Variants in CFAP46 observed in about 807,000 individuals in gnomAD.
CFAP46 encodes cilia and flagella associated protein 46.
In CFAP46, 245 loss-of-function variants were observed where a neutral mutation model predicts 325.7. The ratio of observed to expected loss-of-function variants is 0.75; its 90% CI spans 0.68 to 0.84. The LOEUF is 0.84. Among genes scored for constraint, CFAP46 ranks in the 40% least tolerant of loss-of-function variants. The pLI is 0.00. For missense variants in CFAP46, 3,346 were observed against 3,543.0 expected (o/e 0.94, Z 1.41); for synonymous variants, 1,523 against 1,495.9 (o/e 1.02, Z -0.42).
At chr10:132,928,523 T>C (rs1214444514) in intron 9 of CFAP46, among the ~76,000 whole-genome samples, 1 of 151,168 alleles carries the variant, frequency 6.6e-6, no homozygotes, top group African/African-American at 2.4e-5. Flanking sequence ...TCTGAAACCA[T>C]TTCCAGATCA....
intron 39 of CFAP46, among the ~76,000 whole-genome samples, chr10:132,853,880 T>C (rs528406312): frequency 6.6e-6 from 1 of 152,306 alleles, no homozygotes; most frequent in Middle Eastern, 3.4e-3. Flanking sequence ...TTTCTGATAG[T>C]GGTAATTTAT....
At chr10:132,843,145 C>A (rs80305005) in intron 44 of CFAP46, among the ~76,000 whole-genome samples, 1,670 of 152,338 alleles carry the variant, frequency 0.011, 17 homozygotes, top group Non-Finnish European at 0.019. Context: ...GAAACCCCCA[C>A]ATTGAGCCCT....
At position 132,909,290 on chromosome 10, in the gene CFAP46, G is replaced by A. The variant is rs1202277339; in HGVS notation, c.2650-46C>T. 5 of 1,374,640 alleles carry A rather than the reference G, an allele frequency of 3.6e-6. No homozygotes were observed. In the South Asian group the frequency reaches 6.2e-5, roughly 17 times the overall value. 85.2% of individuals were successfully genotyped at this position (1,374,640 alleles called of 1,614,324 possible). ...AGTGTATCAGCCCAAGCGTGCGGGG[G>A]GAGTCTGGAATATGCGTGAATTTAA... On this transcript the variant is annotated intron_variant, in intron 20 of 57. Coordinates refer to ENST00000368586, the MANE Select transcript of CFAP46 (RefSeq NM_001200049.3).
rs1848096559 is a variant in CFAP46, at chr10:132,828,502, G to A, written c.7117+4856C>T. Among the ~76,000 whole-genome samples, 2 of 152,044 alleles carry A rather than the reference G, an allele frequency of 1.3e-5. No individual in the cohort carries two copies. Among genetic ancestry groups the A allele is most frequent in the South Asian group, 2.1e-4 (1 of 4,828 alleles). The stretch of plus-strand genomic sequence containing the variant: ...TTGTTTGCTATCTAAATCTTTTCTC[G>A]TGAAGTATCTGTTCAAATCTTTTTT... On this transcript the variant is annotated intron_variant, in intron 50 of 57. Coordinates refer to ENST00000368586, the MANE Select transcript of CFAP46 (RefSeq NM_001200049.3). This position sits in a 1 kb window ranked among gnomAD's most constrained non-coding sequence, Gnocchi z 4.9.
intron 50 of CFAP46, among the ~76,000 whole-genome samples, chr10:132,821,589 G>A (rs1441346734): frequency 5.8e-5 from 8 of 138,854 alleles, no homozygotes; most frequent in Non-Finnish European, 1.2e-4. Context: ...TGTGCTGTGT[G>A]TGTGCTGTGT....
rs751323471 is a variant in CFAP46 at position 132,877,829 on chromosome 10, G to A, written c.4212+52C>T. ...GAACCCTGACAGGCAGGGAAACTGA[G>A]GCACAGGCCATCCTGGGCCCGGCCT... On this transcript the variant is annotated intron_variant, in intron 30 of 57. Transcript: ENST00000368586. The surrounding 1 kb of genome is among the most constrained non-coding windows in gnomAD (Gnocchi z 5.7). 1.3e-6 allele frequency: 2 copies of A among 1,533,036 alleles called. No individual in the cohort carries two copies. The highest frequency in any genetic ancestry group is 1.8e-6 in the Non-Finnish European group (2 of 1,137,038). 95.0% of individuals were successfully genotyped at this position (1,533,036 alleles called of 1,614,324 possible). A position where few individuals can be genotyped will look rare whatever the true frequency, so the allele number is the denominator to read the frequency against.
chr10:132,898,165 C>G lies in CFAP46; in HGVS notation c.3219+794G>C, dbSNP rs186567898. ...CTCAGCCCTGGTCTGGAGACTGACCCCAACCCGAGAGTCTCAGCCTCTTTC... is the reference window on the plus strand; with the variant it reads ...CTCAGCCCTGGTCTGGAGACTGACCGCAACCCGAGAGTCTCAGCCTCTTTC... On this transcript the variant is annotated intron_variant, in intron 24 of 57. Coordinates refer to ENST00000368586, the MANE Select transcript of CFAP46 (RefSeq NM_001200049.3). 2.6e-3 allele frequency among the ~76,000 whole-genome samples: 391 copies of G among 152,344 alleles called. 2 individuals carry two copies. The highest frequency in any genetic ancestry group is 9.0e-3 in the African/African-American group (375 of 41,578).
At chr10:132,903,757 C>T (rs115975589) in intron 22 of CFAP46, among the ~76,000 whole-genome samples, 7,239 of 152,094 alleles carry the variant, frequency 0.048, 397 homozygotes, top group African/African-American at 0.13. Flanking sequence ...AAATATATTA[C>T]ACATAATAAA....
At chr10:132,882,081 A>T (rs112935030) in intron 27 of CFAP46, among the ~76,000 whole-genome samples, 47 of 83,428 alleles carry the variant, frequency 5.6e-4, no homozygotes, top group South Asian at 1.7e-3. Context: ...GTGGGGTGTG[A>T]GTGGTGCGTG....
Position 132,887,221 on chromosome 10 carries a change from T to C in CFAP46, c.3305-1262A>G, listed in dbSNP as rs1564790415. On this transcript the variant is annotated intron_variant, in intron 25 of 57. Transcript: ENST00000368586. ...TCTCCTCTTCTTTCCTCTCCCCTCT[T>C]CTCTCTCTCCTCTCCCCTCTTCTCT... 6.4e-4 allele frequency among the ~76,000 whole-genome samples: 51 copies of C among 79,382 alleles called. 1 individual carries two copies. The highest frequency in any genetic ancestry group is 1.4e-3 in the South Asian group (3 of 2,172). The allele number at this position is 79,382 out of a possible 152,430, so 52.1% of individuals were successfully genotyped here.
At chr10:132,887,232 T>TCTCGTCTCTC (rs1849152958) in intron 25 of CFAP46, among the ~76,000 whole-genome samples, 1 of 99,154 alleles carries the variant, frequency 1.0e-5, no homozygotes, top group African/African-American at 6.2e-5. Context: ...CTCTCTCTCC[T>TCTCGTCTCTC]CTCCCCTCTT....
chr10:132,927,401 G>A (rs1000819199), intron 9 of CFAP46, among the ~76,000 whole-genome samples: 1 of 151,312 alleles, frequency 6.6e-6, no homozygotes, highest in Non-Finnish European at 1.5e-5. Context: ...GGCGGCAGAC[G>A]CCTCCGTCCC....
chr10:132,821,716 C>CTG (rs1170247612), intron 50 of CFAP46, among the ~76,000 whole-genome samples: 1 of 105,800 alleles, frequency 9.5e-6, no homozygotes, highest in Non-Finnish European at 1.8e-5. Flanking sequence ...CTGACGTGTG[C>CTG]TGTGTGCTGA....
intron 50 of CFAP46, 30 bp downstream of exon 50, chr10:132,833,328 C>T (rs368741824): frequency 6.4e-7 from 1 of 1,559,948 alleles, no homozygotes; most frequent in Non-Finnish European, 8.7e-7. Context: ...TTTAAAATTA[C>T]ACATTAAGGT....
chr10:132,909,978 C>T lies in CFAP46; in HGVS notation c.2590G>A (p.Val864Ile), dbSNP rs2135532120. 1 of 1,542,582 alleles carries T rather than the reference C, an allele frequency of 6.5e-7. No individual in the cohort carries two copies. Among genetic ancestry groups the T allele is most frequent in the Non-Finnish European group, 8.7e-7 (1 of 1,144,406 alleles). Residue 864 changes from valine to isoleucine, a missense_variant, in exon 20 of 58, where the codon GTC becomes ATC. By Grantham distance (29) the Val-to-Ile change is conservative (BLOSUM62 3). Coordinates refer to ENST00000368586, the MANE Select transcript of CFAP46 (RefSeq NM_001200049.3). ...TGCTGCAGCAGCTGCTTGGCCTTGA[C>T]CCAGGTGGCGATAAGCTGCTGCCGG... ...GTRQQLIATWVKAKQLLQQQI... is the reference protein window; with the variant it reads ...GTRQQLIATWIKAKQLLQQQI...
chr10:132,829,223 T>C (rs985875478), intron 50 of CFAP46, among the ~76,000 whole-genome samples: 5 of 152,128 alleles, frequency 3.3e-5, no homozygotes, highest in African/African-American at 1.2e-4. Flanking sequence ...ATTTGTTGAG[T>C]TCTTTAATCT....
intron 27 of CFAP46, among the ~76,000 whole-genome samples, chr10:132,881,972 G>A (rs1849049809): frequency 6.6e-6 from 1 of 151,890 alleles, no homozygotes; most frequent in Non-Finnish European, 1.5e-5. Context: ...TGTGGGGTGT[G>A]TGTGGTCTGT....
intron 50 of CFAP46, among the ~76,000 whole-genome samples, chr10:132,822,324 ATGTGTGCTGTG>A (rs1847874742): frequency 1.2e-5 from 1 of 80,042 alleles, no homozygotes; most frequent in African/African-American, 5.1e-5. Flanking sequence ...GTGTGTGGTG[ATGTGTGCTGTG>A]TGTGTGGTGA....
At chr10:132,935,572 T>C (rs1300613309) in intron 7 of CFAP46, among the ~76,000 whole-genome samples, 96 of 64,916 alleles carry the variant, frequency 1.5e-3, no homozygotes, top group South Asian at 2.4e-3. Context: ...GATCTTCTCA[T>C]TCCCCTCAGC....
Sources: allele counts gnomAD v4.1 joint callset (sites outside exome capture counted in the v4.1 genomes callset), GRCh38; gene constraint gnomAD v4.1.1; non-coding constraint Gnocchi (gnomAD v3.1); transcripts MANE v1.5; gene names NCBI Gene and HGNC (gene_info 2026-07-23, HGNC 2026-07-21).